The following COL9A3 variants were observed in gnomAD, a reference collection of about 807,000 sequenced individuals.
The protein encoded by COL9A3 is collagen alpha-3(IX) chain.
Under a neutral mutation model 110.2 loss-of-function variants are expected in COL9A3, and 82 were observed. That is an observed-to-expected ratio of 0.74 (90% confidence interval 0.62 to 0.89). The LOEUF is 0.89. Ranked by LOEUF, COL9A3 falls within the 40% of genes least tolerant of loss-of-function variation. The pLI, the probability that COL9A3 is intolerant of heterozygous loss-of-function variation, is 0.00. For missense variants in COL9A3, 1,066 were observed against 981.3 expected, an observed-to-expected ratio of 1.09 and a Z score of -1.15; for synonymous variants, 494 against 403.8, an observed-to-expected ratio of 1.22 and a Z score of -2.68.
intron 4 of COL9A3, 129 bp from the exon 5 acceptor site, chr20:62,819,800 C>T: frequency 4.0e-6 from 4 of 1,008,472 alleles, no homozygotes; most frequent in Non-Finnish European, 4.6e-6. Context: ...AGAGAGGAGG[C>T]TGCCACCCTA....
In COL9A3 at chr20:62,836,315, G is replaced by C. The variant is rs753631418; in HGVS notation, c.1530G>C (p.Thr510=). The C allele has an allele frequency of 1.2e-6, 2 of 1,613,668 alleles. No homozygotes were observed. The highest frequency in any genetic ancestry group is 2.2e-5 in the East Asian group (1 of 44,902). ...GCGTCCCGGGTGTTCCTGGCATCACGGGGAAGCCGGGAGTTCCGGTACGTC... is the reference window on the plus strand; with the variant it reads ...GCGTCCCGGGTGTTCCTGGCATCACCGGGAAGCCGGGAGTTCCGGTACGTC... ...LQGVPGVPGI[T]GKPGVPGKEA... Residue 510 remains threonine (T), a synonymous_variant, in exon 28 of 32, where the codon ACG becomes ACC. Transcript: ENST00000649368.
chr20:62,837,748 A>G (rs1048224193), intron 30 of COL9A3, among the ~76,000 whole-genome samples: 5 of 152,190 alleles, frequency 3.3e-5, no homozygotes, highest in African/African-American at 9.7e-5. Context: ...CAGAGGTTGC[A>G]GCGAGCTGAG....
rs1413680848 is a variant in COL9A3, at chr20:62,840,795, C to T, written c.*63C>T. ...AGCACAGTGGACGGTCATGAAGGAG[C>T]GGGGGTGTGGCAGGCGGGTGACGTC... On this transcript the variant is annotated 3_prime_UTR_variant, in exon 32 of 32. Coordinates refer to ENST00000649368, the MANE Select transcript of COL9A3 (RefSeq NM_001853.4). 5.9e-6 allele frequency: 9 copies of T among 1,534,614 alleles called. No homozygotes were observed. Among genetic ancestry groups the T allele is most frequent in the East Asian group, 2.5e-5 (1 of 40,816 alleles).
chr20:62,816,687 C>G (rs1183771836), upstream of COL9A3, among the ~76,000 whole-genome samples: 2 of 152,206 alleles, frequency 1.3e-5, no homozygotes, highest in Non-Finnish European at 2.9e-5. Flanking sequence ...ACTCGCGGGT[C>G]TCCCCTGCCC....
rs1322344098 is a variant in COL9A3, at chr20:62,828,964, C to CA, written c.998dup (p.Asn333LysfsTer27). On this transcript the variant is annotated frameshift_variant, in exon 19 of 32. Transcript: ENST00000649368. LOFTEE classifies it high-confidence loss of function. Reference sequence around the variant, plus strand: ...ACGGTGCTCCGGGAGAGAAGGGCCCCAACGGGCTGCCGGTGAGTGCCCGGC... The same window carrying CA: ...ACGGTGCTCCGGGAGAGAAGGGCCCCAAACGGGCTGCCGGTGAGTGCCCGGC... 1 of 1,608,456 alleles carries CA rather than the reference C, an allele frequency of 6.2e-7. No homozygotes were observed. The highest frequency in any genetic ancestry group is 1.7e-5 in the Admixed American group (1 of 59,796).
chr20:62,826,688 G>A, intron 14 of COL9A3, 79 bp from the exon 15 acceptor site: 1 of 1,512,110 alleles, frequency 6.6e-7, no homozygotes, highest in African/African-American at 1.4e-5. Flanking sequence ...TTGTGTCTGG[G>A]CCGCCCCTGA....
chr20:62,826,154 C>T (rs756909579), intron 13 of COL9A3, 50 bp from the exon 14 acceptor site: 18 of 1,537,164 alleles, frequency 1.2e-5, no homozygotes, highest in Admixed American at 7.8e-5. Context: ...GGGTGCTCCC[C>T]GGGGTGGAGG....
chr20:62,823,468 G>A lies in COL9A3; in HGVS notation c.519+836G>A, dbSNP rs549013877. On this transcript the variant is annotated intron_variant, in intron 10 of 31. Coordinates refer to ENST00000649368, the MANE Select transcript of COL9A3 (RefSeq NM_001853.4). ...TTGATAGTTTTGAAGGGAAAAGCTC[G>A]GCCCACTCTGACCTGACCACCGACG... 1.2e-4 allele frequency among the ~76,000 whole-genome samples: 18 copies of A among 152,260 alleles called. No homozygotes were observed. The East Asian group carries it at 2.5e-3, about 21-fold the overall frequency.
chr20:62,819,168 C>T, intron 3 of COL9A3, 54 bp from the exon 4 acceptor site: 1 of 1,562,086 alleles, frequency 6.4e-7, no homozygotes, highest in East Asian at 2.2e-5. Context: ...TGCTGAAGGC[C>T]TGGGCTCCAG....
In COL9A3 at chr20:62,827,225, A is replaced by C; in HGVS notation, c.793-16A>C. On this transcript the variant is annotated splice_polypyrimidine_tract_variant and intron_variant, in intron 15 of 31. Coordinates refer to ENST00000649368, the MANE Select transcript of COL9A3 (RefSeq NM_001853.4). The stretch of plus-strand genomic sequence containing the variant: ...ATGGTGTTAACTCTGTCCCTGCCCC[A>C]CCTCATCCTTTCCAGGGTGACCGAG... 6.2e-7 allele frequency: 1 copy of C among 1,612,946 alleles called. No homozygotes were observed. Among genetic ancestry groups the C allele is most frequent in the Non-Finnish European group, 8.5e-7 (1 of 1,179,838 alleles).
At chr20:62,836,051 C>A (rs1239202258) in intron 27 of COL9A3, 98 bp downstream of exon 27, 1 of 1,606,962 alleles carries the variant, frequency 6.2e-7, no homozygotes, top group African/African-American at 1.3e-5. Flanking sequence ...GGGCACTGCC[C>A]AGATCCGAGA....
rs906002992 is a variant in COL9A3, at chr20:62,817,112, C to T, written c.48C>T (p.Leu16=). ...CCCCGCTCCTGCTCCTGCTCCTGCT[C>T]GGGGAGCTTCTGGCGGCCGCCGGGG... is the stretch of plus-strand genomic sequence containing the variant. ...ACAPLLLLLL[L]GELLAAAGAQ... Residue 16 remains leucine (L), a synonymous_variant, in exon 1 of 32, where the codon CTC becomes CTT. Coordinates refer to ENST00000649368, the MANE Select transcript of COL9A3 (RefSeq NM_001853.4). 18 of 1,402,156 alleles carry T rather than the reference C, an allele frequency of 1.3e-5. No homozygotes were observed. The highest frequency in any genetic ancestry group is 1.6e-5 in the Non-Finnish European group (17 of 1,073,004). The allele number at this position is 1,402,156 out of a possible 1,614,324, so 86.9% of individuals were successfully genotyped here.
Position 62,819,304 on chromosome 20 carries a change from C to T in COL9A3, c.255+11C>T. The T allele has an allele frequency of 6.3e-7, 1 of 1,597,798 alleles. No individual in the cohort carries two copies. The highest frequency in any genetic ancestry group is 1.1e-5 in the South Asian group (1 of 89,726). ...CTGCCGGGTGTGGATGTGAGTGCGC[C>T]TGCCCCTCCCCGCCATGCCCCACTC... On this transcript the variant is annotated intron_variant, in intron 4 of 31. Transcript: ENST00000649368.
Position 62,827,959 on chromosome 20 carries a change from G to C in COL9A3, c.883G>C (p.Gly295Arg). ...PGPKGTPGVA[G>R]PSGEPGMPGK... The stretch of plus-strand genomic sequence containing the variant: ...TCCCAAGGGAACCCCCGGAGTGGCC[G>C]GGCCAAGCGGAGAGCCGGTGAGTGC... Residue 295 changes from glycine to arginine, a missense_variant, in exon 17 of 32, where the codon GGG becomes CGG. Physicochemically the swap from Gly to Arg is moderately radical, Grantham distance 125. Coordinates refer to ENST00000649368, the MANE Select transcript of COL9A3 (RefSeq NM_001853.4). 1 of 1,612,904 alleles carries C rather than the reference G, an allele frequency of 6.2e-7. No homozygotes were observed. The highest frequency in any genetic ancestry group is 8.5e-7 in the Non-Finnish European group (1 of 1,179,976).
chr20:62,826,207 C>A lies in COL9A3; in HGVS notation c.688C>A (p.Pro230Thr). ...GLPGSVGLQG[P>T]RGLRGLPGPL... ...CATCTGTGCCTCTCTCTCGCAGGGC[C>A]CCCGGGGATTACGAGGACTGCCAGG... Residue 230 changes from proline to threonine, a missense_variant, in exon 14 of 32, where the codon CCC (proline) becomes ACC (threonine). By Grantham distance (38) the Pro-to-Thr change is conservative. Coordinates refer to ENST00000649368, the MANE Select transcript of COL9A3 (RefSeq NM_001853.4). 6.4e-7 allele frequency: 1 copy of A among 1,561,110 alleles called. No individual in the cohort carries two copies. The highest frequency in any genetic ancestry group is 1.8e-4 in the Middle Eastern group (1 of 5,678).
Position 62,826,423 on chromosome 20 carries a change from G to A in COL9A3, c.738+166G>A, listed in dbSNP as rs6011404. Among the ~76,000 whole-genome samples, 11,127 of 152,234 alleles carry A rather than the reference G, an allele frequency of 0.073. 1,027 individuals are homozygous for A. Among genetic ancestry groups the A allele is most frequent in the African/African-American group, 0.21 (8,790 of 41,508 alleles). On this transcript the variant is annotated intron_variant, in intron 14 of 31. Coordinates refer to ENST00000649368, the MANE Select transcript of COL9A3 (RefSeq NM_001853.4). ...GGCCTTGCTCTGGGCCCCTGTTCTC[G>A]CATGTGCCTGGGCGAGAGCTGACAG...
intron 24 of COL9A3, 95 bp downstream of exon 24, chr20:62,830,683 AGTCCCCCAACCCCTACCACAG>A (rs2063589595): frequency 2.3e-6 from 1 of 427,130 alleles, no homozygotes; most frequent in African/African-American, 5.1e-5. Context: ...CCCCCACCAC[AGTCCCCCAACCCCTACCACAG>A]TCCCCCAACC....
chr20:62,819,778 TG>T, intron 4 of COL9A3, 150 bp from the exon 5 acceptor site: 1 of 855,388 alleles, frequency 1.2e-6, no homozygotes, highest in Non-Finnish European at 1.9e-6. Flanking sequence ...AGGCAGACAG[TG>T]GACAGGGCCA....
chr20:62,836,390 G>A (rs1030354824), intron 28 of COL9A3, 57 bp downstream of exon 28: 50 of 1,613,886 alleles, frequency 3.1e-5, no homozygotes, highest in East Asian at 2.0e-4. Context: ...TGTTTTTTCC[G>A]GAAGGAAGTT....
Sources: gnomAD v4.1 joint callset for allele counts (sites outside exome capture counted in the v4.1 genomes callset) on GRCh38, gnomAD v4.1.1 for gene constraint, MANE v1.5 for transcripts, NCBI Gene and HGNC (gene_info 2026-07-23, HGNC 2026-07-21) for gene names.